The following CSMD2 variants were observed in gnomAD, a reference collection of about 807,000 sequenced individuals.
CSMD2 encodes CUB and sushi domain-containing protein 2.
CSMD2 carries 130 observed loss-of-function variants against 398.5 expected under a neutral mutation model. The observed-to-expected ratio is 0.33, with a 90% confidence interval of 0.28 to 0.38. The LOEUF is 0.38. Among genes scored for constraint, CSMD2 ranks in the 10% least tolerant of loss-of-function variants. CSMD2 has a pLI of 1.00. For synonymous variants in CSMD2, 1,828 were observed against 1,908.5 expected, an observed-to-expected ratio of 0.96 and a Z score of 1.10; for missense variants, 3,829 against 4,764.9, an observed-to-expected ratio of 0.80 and a Z score of 5.78.
chr1:34,071,324 G>A (rs954807335), intron 2 of CSMD2, among the ~76,000 whole-genome samples: 3 of 152,258 alleles, frequency 2.0e-5, no homozygotes, highest in East Asian at 3.8e-4. Context: ...ACTGTCTACA[G>A]TGTCTTTACC....
chr1:33,529,487 T>G (rs1655060207), intron 64 of CSMD2, among the ~76,000 whole-genome samples: 1 of 152,154 alleles, frequency 6.6e-6, no homozygotes, highest in South Asian at 2.1e-4. Context: ...ACTCATACAT[T>G]TATGGTCAAA....
chr1:34,146,902 A>C (rs1639816791), intron 1 of CSMD2, among the ~76,000 whole-genome samples: 2 of 152,218 alleles, frequency 1.3e-5, no homozygotes, highest in African/African-American at 4.8e-5. Context: ...TCTTCATTAG[A>C]GACCTAAGTA....
At chr1:33,783,431 T>TCTCTC (rs1653056945) in intron 12 of CSMD2, among the ~76,000 whole-genome samples, 8 of 135,150 alleles carry the variant, frequency 5.9e-5, no homozygotes, top group African/African-American at 1.5e-4. Context: ...CATTCTCTCA[T>TCTCTC]TCTCTCTCTC....
At chr1:34,078,098 T>G (rs147730531) in intron 2 of CSMD2, among the ~76,000 whole-genome samples, 3 of 152,006 alleles carry the variant, frequency 2.0e-5, no homozygotes, top group African/African-American at 7.2e-5. Flanking sequence ...GCCTCCCGAG[T>G]AGTAGCTGGG....
chr1:33,813,839 G>A (rs1377735013), intron 9 of CSMD2, among the ~76,000 whole-genome samples: 1 of 152,062 alleles, frequency 6.6e-6, no homozygotes, highest in Non-Finnish European at 1.5e-5. Context: ...ACAGTCCTCT[G>A]GAACCACCTC....
At chr1:34,040,905 G>A (rs1004204155) in intron 2 of CSMD2, among the ~76,000 whole-genome samples, 6 of 152,106 alleles carry the variant, frequency 3.9e-5, no homozygotes, top group South Asian at 2.1e-4. Flanking sequence ...CAGGAGTATC[G>A]CTTGAGGCCA....
chr1:33,726,270 C>A (rs144081789), intron 16 of CSMD2, among the ~76,000 whole-genome samples: 1,834 of 152,242 alleles, frequency 0.012, 18 homozygotes, highest in Middle Eastern at 0.02. Context: ...CCCACTCCCC[C>A]TCCTTGGGGG....
At chr1:34,125,830 C>G (rs980931837) in intron 1 of CSMD2, among the ~76,000 whole-genome samples, 4 of 152,160 alleles carry the variant, frequency 2.6e-5, no homozygotes, top group African/African-American at 9.7e-5. Flanking sequence ...TTAGGTGAGG[C>G]CATCATGCCA....
chr1:33,686,330 A>T (rs1330243464), intron 25 of CSMD2, among the ~76,000 whole-genome samples: 2 of 152,236 alleles, frequency 1.3e-5, no homozygotes, highest in African/African-American at 4.8e-5. Context: ...TGTTCTATGT[A>T]CTGATGACAC....
At chr1:34,065,343 T>C (rs1265804592) in intron 2 of CSMD2, among the ~76,000 whole-genome samples, 1 of 152,266 alleles carries the variant, frequency 6.6e-6, no homozygotes, top group Non-Finnish European at 1.5e-5. Flanking sequence ...GAATTCATTA[T>C]GCCAAACTGC....
intron 11 of CSMD2, among the ~76,000 whole-genome samples, chr1:33,791,889 G>A (rs1296423475): frequency 6.6e-6 from 1 of 152,192 alleles, no homozygotes; most frequent in African/African-American, 2.4e-5. Context: ...ATGACAGCTT[G>A]ATATTCTCCT....
intron 24 of CSMD2, among the ~76,000 whole-genome samples, chr1:33,694,669 G>C (rs753517727): frequency 3.9e-5 from 6 of 152,162 alleles, no homozygotes; most frequent in African/African-American, 7.2e-5. Flanking sequence ...AGTCAATTAA[G>C]CCTCTTTTCT....
chr1:33,731,753 G>T (rs570985777), intron 15 of CSMD2, among the ~76,000 whole-genome samples: 1 of 152,104 alleles, frequency 6.6e-6, no homozygotes. Flanking sequence ...ATCAAAGAAC[G>T]TATTAGCCAA....
At chr1:34,012,407 A>G (rs1016175898) in intron 3 of CSMD2, among the ~76,000 whole-genome samples, 1 of 151,944 alleles carries the variant, frequency 6.6e-6, no homozygotes, top group Non-Finnish European at 1.5e-5. Flanking sequence ...TTGCACATCA[A>G]CATGTACATA....
intron 3 of CSMD2, among the ~76,000 whole-genome samples, chr1:33,999,380 A>T (rs544155697): frequency 8.2e-4 from 125 of 152,150 alleles, no homozygotes; most frequent in African/African-American, 2.1e-3. Flanking sequence ...GATACTTTTT[A>T]AAAATTTTTT....
chr1:33,577,621 A>C, intron 48 of CSMD2, 137 bp from the exon 49 acceptor site: 1 of 687,818 alleles, frequency 1.5e-6, no homozygotes. Context: ...TGTTGAGGAA[A>C]GTCTGAATGG....
At chr1:33,534,428 C>T (rs926003997) in intron 62 of CSMD2, among the ~76,000 whole-genome samples, 5 of 152,178 alleles carry the variant, frequency 3.3e-5, no homozygotes, top group African/African-American at 1.2e-4. Flanking sequence ...CTTGTCTTTA[C>T]AGATATGGCC....
chr1:33,852,495 C>G (rs1188739662), intron 5 of CSMD2, among the ~76,000 whole-genome samples: 1 of 152,242 alleles, frequency 6.6e-6, no homozygotes, highest in African/African-American at 2.4e-5. Context: ...TTCCCTCTAC[C>G]TGTAATGCCC....
At chr1:34,051,125 T>A (rs1653123518) in intron 2 of CSMD2, among the ~76,000 whole-genome samples, 2 of 152,356 alleles carry the variant, frequency 1.3e-5, no homozygotes, top group African/African-American at 4.8e-5. Flanking sequence ...GAAGATTATG[T>A]CTGGAATAAA....
Sources: gnomAD v4.1 joint callset for allele counts (sites outside exome capture counted in the v4.1 genomes callset) on GRCh38, gnomAD v4.1.1 for gene constraint, MANE v1.5 for transcripts, NCBI Gene and HGNC (gene_info 2026-07-23, HGNC 2026-07-21) for gene names.